MACROD2: variants seen among roughly 807,000 people sequenced by gnomAD.
The protein encoded by MACROD2 is mono-ADP ribosylhydrolase 2, also known as ADP-ribose glycohydrolase MACROD2.
Under a neutral mutation model 70.4 loss-of-function variants are expected in MACROD2, and 36 were observed. The ratio of observed to expected loss-of-function variants is 0.51; its 90% CI spans 0.39 to 0.68. The LOEUF is 0.68. Ranked by LOEUF, MACROD2 falls within the 30% of genes least tolerant of loss-of-function variation. MACROD2 has a pLI of 0.00. For missense variants in MACROD2, 496 were observed against 538.4 expected (o/e 0.92, Z 0.78); for synonymous variants, 172 against 178.8 (o/e 0.96, Z 0.30).
intron 5 of MACROD2, among the ~76,000 whole-genome samples, chr20:14,959,427 A>G (rs1002505134): frequency 2.0e-5 from 3 of 151,784 alleles, no homozygotes; most frequent in Non-Finnish European, 2.9e-5. Context: ...GCCGCACCCA[A>G]CTGTCCCTGA....
At chr20:15,241,721 G>A (rs933633614) in intron 6 of MACROD2, among the ~76,000 whole-genome samples, 12 of 129,030 alleles carry the variant, frequency 9.3e-5, no homozygotes, top group African/African-American at 2.9e-4. Flanking sequence ...AGCATTTGAT[G>A]TTTTTCAATG....
intron 3 of MACROD2, among the ~76,000 whole-genome samples, chr20:14,274,678 A>T (rs1398813118): frequency 2.0e-5 from 3 of 152,174 alleles, no homozygotes; most frequent in Non-Finnish European, 4.4e-5. Flanking sequence ...AATAAAGTGT[A>T]TTCAATTAGG....
intron 8 of MACROD2, among the ~76,000 whole-genome samples, chr20:15,567,606 T>G (rs1475322888): frequency 6.6e-6 from 1 of 152,232 alleles, no homozygotes; most frequent in African/African-American, 2.4e-5. Context: ...TGCAGGATAC[T>G]CTGGCAACAA....
intron 6 of MACROD2, among the ~76,000 whole-genome samples, chr20:15,357,048 G>A (rs1227014242): frequency 3.9e-5 from 6 of 152,034 alleles, no homozygotes; most frequent in African/African-American, 1.4e-4. Flanking sequence ...CTGAGCTAGT[G>A]ACTATCCAAT....
chr20:15,936,671 G>GTA (rs10626103), intron 11 of MACROD2, among the ~76,000 whole-genome samples: 118,546 of 143,282 alleles, frequency 0.83, 50,503 homozygotes, highest in Non-Finnish European at 0.95. Flanking sequence ...GTATATGTGT[G>GTA]TATATATATA....
intron 5 of MACROD2, among the ~76,000 whole-genome samples, chr20:14,768,143 T>G (rs892319213): frequency 3.9e-5 from 6 of 152,156 alleles, no homozygotes; most frequent in African/African-American, 1.4e-4. Flanking sequence ...TAATCCTTTG[T>G]GTATATACCC....
chr20:14,284,886 G>A (rs1365975938), intron 3 of MACROD2, among the ~76,000 whole-genome samples: 2 of 152,172 alleles, frequency 1.3e-5, no homozygotes, highest in Non-Finnish European at 2.9e-5. Context: ...ACTTGGTAAT[G>A]TTACATTATT....
intron 8 of MACROD2, among the ~76,000 whole-genome samples, chr20:15,716,376 G>T (rs892916704): frequency 6.6e-6 from 1 of 152,164 alleles, no homozygotes; most frequent in Non-Finnish European, 1.5e-5. Flanking sequence ...GTCGATTCTA[G>T]ATATGTGTTC....
chr20:15,792,062 G>C (rs941158401), intron 8 of MACROD2, among the ~76,000 whole-genome samples: 2 of 152,058 alleles, frequency 1.3e-5, no homozygotes, highest in African/African-American at 4.8e-5. Flanking sequence ...TGACACTAGA[G>C]AACCAATAGA....
chr20:15,454,826 TTTCGC>T (rs2046699514), intron 7 of MACROD2, among the ~76,000 whole-genome samples: 1 of 58,646 alleles, frequency 1.7e-5, no homozygotes, highest in South Asian at 9.3e-4. Context: ...CTTTTAACCA[TTTCGC>T]ATACTTTGAA....
chr20:15,844,693 G>A (rs2064210929), intron 8 of MACROD2, among the ~76,000 whole-genome samples: 2 of 152,106 alleles, frequency 1.3e-5, no homozygotes, highest in South Asian at 4.1e-4. Context: ...TACACATCCT[G>A]TGTCCTTCTC....
At chr20:14,428,134 C>T (rs1168828145) in intron 3 of MACROD2, among the ~76,000 whole-genome samples, 2 of 151,972 alleles carry the variant, frequency 1.3e-5, no homozygotes, top group African/African-American at 4.8e-5. Flanking sequence ...TGTAAACTGA[C>T]AGAACTCAAT....
chr20:14,134,721 C>T (rs898522902), intron 3 of MACROD2, among the ~76,000 whole-genome samples: 5 of 140,582 alleles, frequency 3.6e-5, no homozygotes, highest in African/African-American at 1.3e-4. Context: ...AGGAGAATCG[C>T]TTGAACCAGG....
In MACROD2 at chr20:14,037,368, C is replaced by G. The variant is rs1476456973; in HGVS notation, c.163+34964C>G. On this transcript the variant is annotated intron_variant, in intron 2 of 17. Coordinates refer to ENST00000684519, the MANE Select transcript of MACROD2 (RefSeq NM_001351661.2). ...AGAAATATTTTTACAGTGTCCTATT[C>G]AGTAATTAATAAAGCCTTCTTTCAT... 2.0e-5 allele frequency among the ~76,000 whole-genome samples: 3 copies of G among 152,096 alleles called. No homozygotes were observed. In the East Asian group the frequency reaches 5.8e-4, roughly 29 times the overall value.
At chr20:15,260,698 C>T (rs1003001255) in intron 6 of MACROD2, among the ~76,000 whole-genome samples, 1 of 151,890 alleles carries the variant, frequency 6.6e-6, no homozygotes, top group African/African-American at 2.4e-5. Flanking sequence ...CACTGTTCTC[C>T]ATAGTGGCTG....
intron 8 of MACROD2, among the ~76,000 whole-genome samples, chr20:15,710,002 T>G (rs1028758054): frequency 6.6e-6 from 1 of 152,108 alleles, no homozygotes; most frequent in African/African-American, 2.4e-5. Flanking sequence ...TAAGGTCAAC[T>G]TTTTTAGCTT....
chr20:14,611,574 G>A (rs1298805636), intron 4 of MACROD2, among the ~76,000 whole-genome samples: 2 of 148,404 alleles, frequency 1.3e-5, no homozygotes, highest in Admixed American at 1.4e-4. Flanking sequence ...GAAAGACAAA[G>A]CACCATCTCA....
chr20:15,784,630 G>A (rs1322898365), intron 8 of MACROD2, among the ~76,000 whole-genome samples: 1 of 151,604 alleles, frequency 6.6e-6, no homozygotes, highest in Non-Finnish European at 1.5e-5. Context: ...CAGTTTTTTT[G>A]GCAAAATAAA....
intron 6 of MACROD2, among the ~76,000 whole-genome samples, chr20:15,273,638 T>C (rs1320884775): frequency 1.3e-5 from 2 of 152,106 alleles, no homozygotes; most frequent in African/African-American, 2.4e-5. Context: ...GGCCTACAGA[T>C]GGAAGGGACA....
Sources: allele counts gnomAD v4.1 joint callset (sites outside exome capture counted in the v4.1 genomes callset), GRCh38; gene constraint gnomAD v4.1.1; transcripts MANE v1.5; gene names NCBI Gene and HGNC (gene_info 2026-07-23, HGNC 2026-07-21).